Variants in TRUB2 observed in about 807,000 individuals in gnomAD.
The protein encoded by TRUB2 is pseudouridylate synthase TRUB2, mitochondrial.
A neutral mutation model predicts 31.9 loss-of-function variants in TRUB2; 31 were observed. That is an observed-to-expected ratio of 0.97 (90% CI 0.73 to 1.31). The LOEUF (loss-of-function observed/expected upper bound fraction) is 1.31, where lower values mean the gene tolerates loss of function less well. Ranked by LOEUF, TRUB2 falls within the 50% of genes most tolerant of loss-of-function variation. The pLI is 0.00. For missense variants in TRUB2, 451 were observed against 439.6 expected, an observed-to-expected ratio of 1.03 and a Z score of -0.23; for synonymous variants, 201 against 182.6, an observed-to-expected ratio of 1.10 and a Z score of -0.81.
rs1224189504 is a variant in TRUB2 at position 128,308,078 on chromosome 9, A to T, written c.*1472T>A. Reference sequence around the variant, plus strand: ...AACCCTGTCTCTACTAAAAATACAAAAATTAGCCAGGCATGGTGGTACACA... The same window carrying T: ...AACCCTGTCTCTACTAAAAATACAATAATTAGCCAGGCATGGTGGTACACA... On this transcript the variant is annotated 3_prime_UTR_variant, in exon 8 of 8. Transcript: ENST00000372890. 6.6e-6 allele frequency: 1 copy of T among 152,202 alleles called. No homozygotes were observed. The highest frequency in any genetic ancestry group is 1.5e-5 in the Non-Finnish European group (1 of 68,144). 9.4% of individuals were successfully genotyped at this position (152,202 alleles called of 1,614,324 possible). A position where few individuals can be genotyped will look rare whatever the true frequency, so the allele number is the denominator to read the frequency against.
intron 5 of TRUB2, 136 bp downstream of exon 5, chr9:128,313,672 T>C: frequency 1.3e-6 from 1 of 741,992 alleles, no homozygotes; most frequent in South Asian, 1.6e-5. Flanking sequence ...GGAGCACAGA[T>C]CCCGTGGCCA....
At chr9:128,315,496 G>T in intron 4 of TRUB2, 71 bp downstream of exon 4, 1 of 1,524,518 alleles carries the variant, frequency 6.6e-7, no homozygotes, top group Non-Finnish European at 8.9e-7. Context: ...AATCCTCTAA[G>T]CTTCAGAATC....
intron 3 of TRUB2, 150 bp from the exon 4 acceptor site, chr9:128,315,778 G>A (rs780671332): frequency 3.8e-6 from 3 of 799,372 alleles, no homozygotes; most frequent in Non-Finnish European, 6.2e-6. Flanking sequence ...GGGGGCAGGT[G>A]CACCCCTCTG....
intron 5 of TRUB2, among the ~76,000 whole-genome samples, chr9:128,312,174 T>C (rs1456557125): frequency 6.8e-6 from 1 of 146,668 alleles, no homozygotes; most frequent in Non-Finnish European, 1.5e-5. Context: ...TCTTGTTCTG[T>C]TGCCCAGGCT....
chr9:128,312,926 A>C (rs940415157), intron 5 of TRUB2, among the ~76,000 whole-genome samples: 1 of 150,350 alleles, frequency 6.7e-6, no homozygotes, highest in Non-Finnish European at 1.5e-5. Flanking sequence ...TTTAAAATTT[A>C]GAACAGTAGC....
chr9:128,309,668 T>A lies in TRUB2; in HGVS notation c.878A>T (p.Glu293Val). The A allele has an allele frequency of 4.3e-6, 7 of 1,614,214 alleles. No individual in the cohort carries two copies. The highest frequency in any genetic ancestry group is 5.9e-6 in the Non-Finnish European group (7 of 1,180,040). The change falls in exon 8 of 8, where the codon GAG (glutamate) becomes GTG (valine). Residue 293 changes from glutamate to valine, a missense_variant. Coordinates refer to ENST00000372890, the MANE Select transcript of TRUB2 (RefSeq NM_015679.3). ...CCCCGGGCTCAAGCTCTTCTCCAGC[T>A]CTGCAGCTACCTGAGGGGTAGCAGC... is the stretch of plus-strand genomic sequence containing the variant. Reference protein sequence around the residue: ...IRAATPQVAAELEKSLSPGLD... With the variant: ...IRAATPQVAAVLEKSLSPGLD...
rs930526691 is a variant in TRUB2, at chr9:128,321,450, C to T, written c.241+149G>A. ...TAAAACATTCAGTATCTGGCCCTTTCCAAGGAAATCTGCCAATTCCTGGTC... is the reference window on the plus strand; with the variant it reads ...TAAAACATTCAGTATCTGGCCCTTTTCAAGGAAATCTGCCAATTCCTGGTC... On this transcript the variant is annotated intron_variant, in intron 2 of 7. Coordinates refer to ENST00000372890, the MANE Select transcript of TRUB2 (RefSeq NM_015679.3). 12 of 1,397,108 alleles carry T rather than the reference C, an allele frequency of 8.6e-6. No homozygotes were observed. In the African/African-American group the frequency reaches 1.7e-4, roughly 20 times the overall value. 86.5% of individuals were successfully genotyped at this position (1,397,108 alleles called of 1,614,324 possible). A position where few individuals can be genotyped will look rare whatever the true frequency, so the allele number is the denominator to read the frequency against.
rs537830531 is a variant in TRUB2, at chr9:128,305,420, C to T, written c.*4130G>A. ...TTTGAGATAGGGTCTCACCCTGTCA[C>T]CCAGGCTAGAGTACAGTCGTGTGAT... is the stretch of plus-strand genomic sequence containing the variant. On this transcript the variant is annotated 3_prime_UTR_variant, in exon 8 of 8. Transcript: ENST00000372890. 4.6e-5 allele frequency: 7 copies of T among 152,436 alleles called. No individual in the cohort carries two copies. The highest frequency in any genetic ancestry group is 1.4e-4 in the African/African-American group (6 of 41,556). 9.4% of individuals were successfully genotyped at this position (152,436 alleles called of 1,614,324 possible). A position where few individuals can be genotyped will look rare whatever the true frequency, so the allele number is the denominator to read the frequency against.
rs776758433 is a variant in TRUB2 at position 128,309,892 on chromosome 9, A to G, written c.671-17T>C. Reference sequence around the variant, plus strand: ...ACTGCACCTCTGCCAGGGACACACAATGACAGACATGGTGGTGAGAGCACA... The same window carrying G: ...ACTGCACCTCTGCCAGGGACACACAGTGACAGACATGGTGGTGAGAGCACA... On this transcript the variant is annotated splice_polypyrimidine_tract_variant and intron_variant, in intron 7 of 7. Transcript: ENST00000372890. 1.2e-6 allele frequency: 2 copies of G among 1,608,728 alleles called. No homozygotes were observed. The highest frequency in any genetic ancestry group is 1.7e-5 in the Admixed American group (1 of 59,780).
intron 2 of TRUB2, among the ~76,000 whole-genome samples, chr9:128,320,116 C>G (rs1031601982): frequency 6.6e-6 from 1 of 151,326 alleles, no homozygotes; most frequent in Non-Finnish European, 1.5e-5. Context: ...CAGGGTATCA[C>G]CGTATTAGCC....
chr9:128,305,351 T>C lies in TRUB2; in HGVS notation c.*4199A>G, dbSNP rs150406447. On this transcript the variant is annotated 3_prime_UTR_variant, in exon 8 of 8. Coordinates refer to ENST00000372890, the MANE Select transcript of TRUB2 (RefSeq NM_015679.3). ...GGCAATTGGCAGACGTGGGGGCCTGTGGATTTGTCAGCAAGGTTGCTGGTG... is the reference window on the plus strand; with the variant it reads ...GGCAATTGGCAGACGTGGGGGCCTGCGGATTTGTCAGCAAGGTTGCTGGTG... The C allele has an allele frequency of 3.9e-5, 6 of 152,330 alleles. No individual in the cohort carries two copies. In the East Asian group the frequency reaches 1.2e-3, roughly 29 times the overall value. The allele number at this position is 152,330 out of a possible 1,614,324, so 9.4% of individuals were successfully genotyped here. A position where few individuals can be genotyped will look rare whatever the true frequency, so the allele number is the denominator to read the frequency against.
chr9:128,318,925 T>C (rs1463463534), intron 2 of TRUB2, among the ~76,000 whole-genome samples: 3 of 152,056 alleles, frequency 2.0e-5, no homozygotes, highest in Admixed American at 2.0e-4. Context: ...CTCACGCTTA[T>C]AATCCCAGCA....
chr9:128,311,134 C>T, intron 6 of TRUB2, 111 bp from the exon 7 acceptor site: 4 of 1,409,012 alleles, frequency 2.8e-6, no homozygotes, highest in Non-Finnish European at 3.9e-6. Flanking sequence ...CACCGTGGCT[C>T]CTCCAGCCAC....
At chr9:128,311,442 C>T (rs1831966063) in intron 6 of TRUB2, 87 bp downstream of exon 6, 1 of 1,326,328 alleles carries the variant, frequency 7.5e-7, no homozygotes, top group South Asian at 1.2e-5. Flanking sequence ...AAACAAGATC[C>T]ATGGAATCTG....
At chr9:128,310,452 G>A (rs1434279581) in intron 7 of TRUB2, among the ~76,000 whole-genome samples, 1 of 151,392 alleles carries the variant, frequency 6.6e-6, no homozygotes, top group Non-Finnish European at 1.5e-5. Context: ...CTCAAGCAGA[G>A]GAGCAGGCAT....
At chr9:128,319,694 AG>A (rs1428052747) in intron 2 of TRUB2, among the ~76,000 whole-genome samples, 31 of 147,504 alleles carry the variant, frequency 2.1e-4, no homozygotes, top group African/African-American at 7.8e-4. Context: ...GCTGGAGTGC[AG>A]TGGCACGATC....
rs1358802594 is a variant in TRUB2 at position 128,306,939 on chromosome 9, T to C, written c.*2611A>G. The stretch of plus-strand genomic sequence containing the variant: ...TTAGTAGAGACAGGGTTTCACTATG[T>C]TGGCCAGGCTGGTCTTGAACTCCTG... On this transcript the variant is annotated 3_prime_UTR_variant, in exon 8 of 8. Coordinates refer to ENST00000372890, the MANE Select transcript of TRUB2 (RefSeq NM_015679.3). 6.6e-6 allele frequency: 1 copy of C among 151,988 alleles called. No homozygotes were observed. The highest frequency in any genetic ancestry group is 2.4e-5 in the African/African-American group (1 of 41,428). The allele number at this position is 151,988 out of a possible 1,614,324, so 9.4% of individuals were successfully genotyped here. A position where few individuals can be genotyped will look rare whatever the true frequency, so the allele number is the denominator to read the frequency against.
chr9:128,319,260 A>G (rs987166504), intron 2 of TRUB2, among the ~76,000 whole-genome samples: 1 of 151,552 alleles, frequency 6.6e-6, no homozygotes, highest in Admixed American at 6.6e-5. Context: ...CAGGAGGAGA[A>G]GCTTGCAGTG....
intron 2 of TRUB2, among the ~76,000 whole-genome samples, chr9:128,318,385 A>C (rs1242811411): frequency 6.6e-6 from 1 of 152,076 alleles, no homozygotes; most frequent in African/African-American, 2.4e-5. Context: ...TTTCCCAGAA[A>C]CCCAAAACCC....
Sources: allele counts gnomAD v4.1 joint callset (sites outside exome capture counted in the v4.1 genomes callset), GRCh38; gene constraint gnomAD v4.1.1; transcripts MANE v1.5; gene names NCBI Gene and HGNC (gene_info 2026-07-23, HGNC 2026-07-21).